The following NFIB variants were observed in gnomAD, a reference collection of about 807,000 sequenced individuals.
The protein encoded by NFIB is nuclear factor I B.
Under a neutral mutation model 61.5 loss-of-function variants are expected in NFIB, and 11 were observed. The observed-to-expected ratio is 0.18, with a 90% CI of 0.11 to 0.30. The LOEUF (loss-of-function observed/expected upper bound fraction) is 0.30, where lower values mean the gene tolerates loss of function less well. Among genes scored for constraint, NFIB ranks in the 10% least tolerant of loss-of-function variants. The pLI is 1.00. For synonymous variants in NFIB, 260 were observed against 216.5 expected, an observed-to-expected ratio of 1.20 and a Z score of -1.76; for missense variants, 471 against 608.9, an observed-to-expected ratio of 0.77 and a Z score of 2.38.
chr9:14,521,832 C>T, the NFIB span, among the ~76,000 whole-genome samples: 1 of 152,112 alleles, frequency 6.6e-6, no homozygotes, highest in African/African-American at 2.4e-5. Context: ...ATGGCTTTGG[C>T]CAAAAGGCTT....
At chr9:14,216,773 C>A (rs2050975158) in intron 2 of NFIB, among the ~76,000 whole-genome samples, 2 of 152,116 alleles carry the variant, frequency 1.3e-5, no homozygotes, top group African/African-American at 4.8e-5. Context: ...GCTGACTTTG[C>A]CAAAATTGCT....
chr9:14,499,100 G>T, the NFIB span, among the ~76,000 whole-genome samples: 1 of 151,872 alleles, frequency 6.6e-6, no homozygotes, highest in Non-Finnish European at 1.5e-5. Flanking sequence ...GAGAGAGAGA[G>T]AATGAAGCAG....
chr9:14,224,887 T>C (rs1057308024), intron 2 of NFIB, among the ~76,000 whole-genome samples: 5 of 152,238 alleles, frequency 3.3e-5, no homozygotes, highest in Admixed American at 3.3e-4. Flanking sequence ...TTATAAATTT[T>C]TCTTTGAAAG....
intron 1 of NFIB, among the ~76,000 whole-genome samples, chr9:14,355,741 G>A (rs1263897886): frequency 6.6e-6 from 1 of 152,166 alleles, no homozygotes; most frequent in Non-Finnish European, 1.5e-5. Context: ...TGGATCACAA[G>A]GTCAGGAGTT....
chr9:14,349,387 G>C lies in NFIB; in HGVS notation c.109-41867C>G, dbSNP rs150470961. ...CGGAGCCCGCCCGACATTAAATTTA[G>C]GGGGTGTGGAAGCGTAGACTGGGTT... is the stretch of plus-strand genomic sequence containing the variant. On this transcript the variant is annotated intron_variant, in intron 1 of 8. Transcript: ENST00000380934. 3.9e-3 allele frequency among the ~76,000 whole-genome samples: 597 copies of C among 152,242 alleles called. 13 individuals are homozygous for C. Among genetic ancestry groups the C allele is most frequent in the East Asian group, 0.03 (154 of 5,156 alleles).
intron 4 of NFIB, among the ~76,000 whole-genome samples, chr9:14,154,731 C>A (rs1026028195): frequency 6.6e-6 from 1 of 152,254 alleles, no homozygotes; most frequent in South Asian, 2.1e-4. Context: ...AGATCTTAAA[C>A]GTTCATATGT....
chr9:14,229,329 C>T (rs2052829523), intron 2 of NFIB, among the ~76,000 whole-genome samples: 1 of 152,202 alleles, frequency 6.6e-6, no homozygotes, highest in Non-Finnish European at 1.5e-5. Flanking sequence ...ATAGTACCAA[C>T]AGGAATTCTG....
the NFIB span, among the ~76,000 whole-genome samples, chr9:14,477,949 C>A: frequency 6.6e-6 from 1 of 152,094 alleles, no homozygotes; most frequent in East Asian, 1.9e-4. Flanking sequence ...AGATGAACAG[C>A]TTGAACCACC....
chr9:14,151,214 G>T (rs954740739), intron 4 of NFIB, among the ~76,000 whole-genome samples: 3 of 152,126 alleles, frequency 2.0e-5, no homozygotes, highest in African/African-American at 4.8e-5. Context: ...CTCAACCATT[G>T]TGAGTTCCCT....
At chr9:14,452,400 CAGAG>C in the NFIB span, among the ~76,000 whole-genome samples, 4 of 67,190 alleles carry the variant, frequency 6.0e-5, no homozygotes, top group Non-Finnish European at 7.6e-5. Flanking sequence ...TAGGGAAAGA[CAGAG>C]GGAGATGGAA....
At chr9:14,475,526 C>T in the NFIB span, among the ~76,000 whole-genome samples, 1 of 152,068 alleles carries the variant, frequency 6.6e-6, no homozygotes, top group East Asian at 1.9e-4. Flanking sequence ...TCTTGAATGC[C>T]CACTGCTTCC....
At chr9:14,220,970 C>T (rs2051595161) in intron 2 of NFIB, among the ~76,000 whole-genome samples, 1 of 151,916 alleles carries the variant, frequency 6.6e-6, no homozygotes, top group Non-Finnish European at 1.5e-5. Context: ...TACCTACTAG[C>T]CCATCTACTC....
At chr9:14,326,558 C>T (rs1371476251) in intron 1 of NFIB, among the ~76,000 whole-genome samples, 1 of 152,150 alleles carries the variant, frequency 6.6e-6, no homozygotes, top group Non-Finnish European at 1.5e-5. Flanking sequence ...TCATCAAAAA[C>T]CTGAGATGGT....
At chr9:14,330,413 A>G (rs949933472) in intron 1 of NFIB, among the ~76,000 whole-genome samples, 25 of 152,306 alleles carry the variant, frequency 1.6e-4, no homozygotes, top group African/African-American at 6.0e-4. Flanking sequence ...ACATGGTGCA[A>G]CCAAGCATTT....
the NFIB span, among the ~76,000 whole-genome samples, chr9:14,521,159 C>T: frequency 4.6e-5 from 7 of 152,304 alleles, no homozygotes; most frequent in South Asian, 1.5e-3. Flanking sequence ...AAGTTCTCCA[C>T]CCTTTCAAAT....
At chr9:14,214,655 T>G (rs891073509) in intron 2 of NFIB, among the ~76,000 whole-genome samples, 1 of 152,274 alleles carries the variant, frequency 6.6e-6, no homozygotes, top group Admixed American at 6.5e-5. Flanking sequence ...AAACACATGA[T>G]GCTAATTTAG....
chr9:14,438,585 T>C, the NFIB span, among the ~76,000 whole-genome samples: 7 of 151,094 alleles, frequency 4.6e-5, no homozygotes, highest in East Asian at 5.9e-4. Flanking sequence ...TGGAGAGGGG[T>C]TGTTGGTTGG....
intron 2 of NFIB, among the ~76,000 whole-genome samples, chr9:14,292,371 T>A (rs1429895781): frequency 6.6e-6 from 1 of 152,206 alleles, no homozygotes; most frequent in Non-Finnish European, 1.5e-5. Flanking sequence ...ACTATTGGAC[T>A]TTGAAATGAG....
At chr9:14,526,701 T>C in the NFIB span, among the ~76,000 whole-genome samples, 1 of 152,178 alleles carries the variant, frequency 6.6e-6, no homozygotes, top group Non-Finnish European at 1.5e-5. Context: ...TGCCTAAAAA[T>C]AGTGATTGAC....
Sources: gnomAD v4.1 joint callset for allele counts (sites outside exome capture counted in the v4.1 genomes callset) on GRCh38, gnomAD v4.1.1 for gene constraint, MANE v1.5 for transcripts, NCBI Gene and HGNC (gene_info 2026-07-23, HGNC 2026-07-21) for gene names.